Variants in TNFRSF10A observed in about 807,000 individuals in gnomAD.
The protein encoded by TNFRSF10A is TNF receptor superfamily member 10a.
A neutral mutation model predicts 42.8 loss-of-function variants in TNFRSF10A; 44 were observed. That is an observed-to-expected ratio of 1.03 (90% CI 0.81 to 1.32). TNFRSF10A has a LOEUF of 1.32. Ranked by LOEUF, TNFRSF10A falls within the 40% of genes most tolerant of loss-of-function variation. The pLI, the probability that TNFRSF10A is intolerant of heterozygous loss-of-function variation, is 0.00. For synonymous variants in TNFRSF10A, 259 were observed against 234.2 expected, an observed-to-expected ratio of 1.11 and a Z score of -0.97; for missense variants, 680 against 602.0, an observed-to-expected ratio of 1.13 and a Z score of -1.36.
At position 23,199,810 on chromosome 8, in the gene TNFRSF10A, C is replaced by G. The variant is rs367841412; in HGVS notation, c.831+76G>C. ...CAGCCATGAGAGCACGGGGACCCAC[C>G]CACCTGGACTACACTGTGGGCAAGA... On this transcript the variant is annotated intron_variant, in intron 7 of 9. Transcript: ENST00000221132. The G allele has an allele frequency of 4.4e-5, 71 of 1,606,800 alleles. 1 individual carries two copies. The African/African-American group carries it at 8.3e-4, about 19-fold the overall frequency.
chr8:23,197,919 T>C (rs1452539374), intron 8 of TNFRSF10A, among the ~76,000 whole-genome samples: 1 of 152,218 alleles, frequency 6.6e-6, no homozygotes, highest in Non-Finnish European at 1.5e-5. Flanking sequence ...TGAGTACCTT[T>C]TGATAGTTTA....
chr8:23,212,919 G>A (rs144348548), intron 1 of TNFRSF10A, among the ~76,000 whole-genome samples: 10 of 152,272 alleles, frequency 6.6e-5, no homozygotes, highest in Non-Finnish European at 1.3e-4. Context: ...GGGCCCACAC[G>A]AAGAGTTAGA....
At chr8:23,206,103 T>G (rs903333432) in intron 2 of TNFRSF10A, among the ~76,000 whole-genome samples, 1 of 152,186 alleles carries the variant, frequency 6.6e-6, no homozygotes, top group African/African-American at 2.4e-5. Context: ...GTTTATAGAA[T>G]ACGAATATAA....
At position 23,199,488 on chromosome 8, in the gene TNFRSF10A, G is replaced by A. The variant is rs543599241; in HGVS notation, c.832-40C>T. The stretch of plus-strand genomic sequence containing the variant: ...GAGCCAACTCAGAAGCCCACACCCA[G>A]GGCTCCCCACGGGGTCCGTAGGGCA... On this transcript the variant is annotated intron_variant, in intron 7 of 9. Coordinates refer to ENST00000221132, the MANE Select transcript of TNFRSF10A (RefSeq NM_003844.4). 63 of 1,597,390 alleles carry A rather than the reference G, an allele frequency of 3.9e-5. No homozygotes were observed. In the East Asian group the frequency reaches 1.4e-3, roughly 35 times the overall value.
At chr8:23,192,119 C>T (rs1470172949) in intron 9 of TNFRSF10A, 106 bp from the exon 10 acceptor site, 93 of 1,490,812 alleles carry the variant, frequency 6.2e-5, no homozygotes, top group Non-Finnish European at 8.1e-5. Context: ...ACCTGGAGAG[C>T]CCCCTGCATG....
At chr8:23,202,221 T>G (rs1800940618) in intron 3 of TNFRSF10A, among the ~76,000 whole-genome samples, 1 of 152,126 alleles carries the variant, frequency 6.6e-6, no homozygotes, top group South Asian at 2.1e-4. Flanking sequence ...TGAGAGAGTC[T>G]GCAAGAAGAG....
chr8:23,204,149 T>C (rs1277126631), intron 2 of TNFRSF10A, among the ~76,000 whole-genome samples: 1 of 152,148 alleles, frequency 6.6e-6, no homozygotes, highest in African/African-American at 2.4e-5. Context: ...TATTCAGTAA[T>C]GGCGCTGGGG....
chr8:23,197,888 G>C (rs1189060245), intron 8 of TNFRSF10A, among the ~76,000 whole-genome samples: 3 of 152,176 alleles, frequency 2.0e-5, no homozygotes, highest in Non-Finnish European at 4.4e-5. Flanking sequence ...CTGCAGAGTG[G>C]AGGATGCTCT....
intron 1 of TNFRSF10A, among the ~76,000 whole-genome samples, chr8:23,216,594 G>A (rs1801186206): frequency 6.6e-6 from 1 of 151,958 alleles, no homozygotes; most frequent in Non-Finnish European, 1.5e-5. Context: ...ATACAAAAAT[G>A]AGCCGGGCGT....
intron 9 of TNFRSF10A, 97 bp downstream of exon 9, chr8:23,197,035 A>G: frequency 6.6e-7 from 1 of 1,507,372 alleles, no homozygotes; most frequent in Non-Finnish European, 9.2e-7. Context: ...CTGGCATGGA[A>G]TGCTCTGGAA....
chr8:23,197,899 C>G (rs1312184864), intron 8 of TNFRSF10A, among the ~76,000 whole-genome samples: 1 of 152,206 alleles, frequency 6.6e-6, no homozygotes, highest in Non-Finnish European at 1.5e-5. Flanking sequence ...AGGATGCTCT[C>G]TTTACTTACT....
chr8:23,221,588 TTA>T lies in TNFRSF10A; in HGVS notation c.306+3166_306+3167del, dbSNP rs1401103641. The stretch of plus-strand genomic sequence containing the variant: ...TCCTGACAGTCTGAGGACAGAGACA[TTA>T]TCTCCATTCACAGGCATGGCGGGTG... On this transcript the variant is annotated intron_variant, in intron 1 of 9. Transcript: ENST00000221132. Among the ~76,000 whole-genome samples the T allele has an allele frequency of 3.3e-5, 5 of 152,090 alleles. No individual in the cohort carries two copies. In the East Asian group the frequency reaches 9.6e-4, roughly 29 times the overall value.
intron 1 of TNFRSF10A, among the ~76,000 whole-genome samples, chr8:23,221,090 G>GCT (rs1303234000): frequency 6.6e-6 from 1 of 152,158 alleles, no homozygotes; most frequent in Non-Finnish European, 1.5e-5. Flanking sequence ...TCTGCCCCAA[G>GCT]CTCAGAGAGC....
chr8:23,213,068 C>T (rs539402786), intron 1 of TNFRSF10A, among the ~76,000 whole-genome samples: 2 of 152,286 alleles, frequency 1.3e-5, no homozygotes, highest in South Asian at 4.1e-4. Flanking sequence ...TGGATTCTAT[C>T]TCCTTACTAT....
chr8:23,214,857 C>T (rs1331915058), intron 1 of TNFRSF10A, among the ~76,000 whole-genome samples: 1 of 152,040 alleles, frequency 6.6e-6, no homozygotes, highest in African/African-American at 2.4e-5. Context: ...ACAAACTGTC[C>T]CCCAAAACAG....
chr8:23,202,965 C>T (rs1461564030), intron 2 of TNFRSF10A, among the ~76,000 whole-genome samples: 1 of 151,984 alleles, frequency 6.6e-6, no homozygotes, highest in East Asian at 1.9e-4. Context: ...AAACCACATG[C>T]AAAATTCAAA....
intron 9 of TNFRSF10A, among the ~76,000 whole-genome samples, chr8:23,195,847 GC>G (rs1307215553): frequency 6.6e-6 from 1 of 152,086 alleles, no homozygotes; most frequent in African/African-American, 2.4e-5. Context: ...TTCCCATGAT[GC>G]CCCTCCTCAA....
chr8:23,224,915 G>A lies in TNFRSF10A; in HGVS notation c.147C>T (p.Gly49=). Residue 49 remains glycine, a synonymous_variant, in exon 1 of 10, where the codon GGC becomes GGT. Transcript: ENST00000221132. The part of the protein sequence containing the change: ...GSSAGRIEPR[G]GGRGALPTSM... Reference sequence around the variant, plus strand: ...AGGTAGGGAGCGCTCCTCGGCCCCCGCCTCGTGGTTCAATCCTCCCCGCGG... The same window carrying A: ...AGGTAGGGAGCGCTCCTCGGCCCCCACCTCGTGGTTCAATCCTCCCCGCGG... 1.3e-6 allele frequency: 2 copies of A among 1,597,624 alleles called. No individual in the cohort carries two copies. The highest frequency in any genetic ancestry group is 1.7e-6 in the Non-Finnish European group (2 of 1,172,424).
In TNFRSF10A at chr8:23,191,966, A is replaced by G. The variant is rs373540814; in HGVS notation, c.1135T>C (p.Ser379Pro). The G allele has an allele frequency of 3.9e-5, 63 of 1,614,016 alleles. No homozygotes were observed. In the Middle Eastern group the frequency reaches 1.3e-3, roughly 34 times the overall value. Residue 379 changes from serine to proline, a missense_variant, in exon 10 of 10, where the codon TCC becomes CCC. Ser to Pro is a moderately conservative substitution (Grantham distance 74, BLOSUM62 -1). Coordinates refer to ENST00000221132, the MANE Select transcript of TNFRSF10A (RefSeq NM_003844.4). ...AGCTGCCTCATGAGCTGGTCCCAGGAGTCAAAGGGCACGATGTTTGCAAAC... is the reference window on the plus strand; with the variant it reads ...AGCTGCCTCATGAGCTGGTCCCAGGGGTCAAAGGGCACGATGTTTGCAAAC... ...DKFANIVPFD[S>P]WDQLMRQLDL...
Sources: allele counts gnomAD v4.1 joint callset (sites outside exome capture counted in the v4.1 genomes callset), GRCh38; gene constraint gnomAD v4.1.1; transcripts MANE v1.5; gene names NCBI Gene and HGNC (gene_info 2026-07-23, HGNC 2026-07-21).